TRPM2: variants seen among roughly 807,000 people sequenced by gnomAD.
TRPM2 encodes estrogen-responsive element-associated gene 1 protein.
In TRPM2, 161 loss-of-function variants were observed where a neutral mutation model predicts 174.0. The observed-to-expected ratio is 0.93, with a 90% CI of 0.81 to 1.05. TRPM2 has a LOEUF of 1.05. TRPM2 is among the 50% of genes least tolerant of loss of function. The pLI is 0.00. For synonymous variants in TRPM2, 954 were observed against 861.3 expected (o/e 1.11, Z -1.88); for missense variants, 2,057 against 2,038.0 (o/e 1.01, Z -0.18).
At position 44,432,271 on chromosome 21, in the gene TRPM2, C is replaced by T. The variant is rs999404918; in HGVS notation, c.3975-2860C>T. Among the ~76,000 whole-genome samples, 1 of 152,188 alleles carries T rather than the reference C, an allele frequency of 6.6e-6. No individual in the cohort carries two copies. The highest frequency in any genetic ancestry group is 2.1e-4 in the South Asian group (1 of 4,834). On this transcript the variant is annotated intron_variant, in intron 27 of 31. Coordinates refer to ENST00000397928, the MANE Select transcript of TRPM2 (RefSeq NM_003307.4). The surrounding 1 kb of genome is among the most constrained non-coding windows in gnomAD (Gnocchi z 4.9). The stretch of plus-strand genomic sequence containing the variant: ...CTTGAGGGGAGACCTCTTCCTGCCT[C>T]TCCAGCTCCTGGTGTTCCTGGCAGC...
At chr21:44,433,376 T>C (rs1410208353) in intron 27 of TRPM2, among the ~76,000 whole-genome samples, 1 of 152,224 alleles carries the variant, frequency 6.6e-6, no homozygotes, top group Non-Finnish European at 1.5e-5. Flanking sequence ...CGAGGCAGCC[T>C]TGCTCCCAGC....
chr21:44,395,327 G>A, intron 11 of TRPM2, 87 bp from the exon 12 acceptor site: 1 of 1,507,088 alleles, frequency 6.6e-7, no homozygotes, highest in South Asian at 1.3e-5. Context: ...TCGGGGCTGG[G>A]GTCAGGGCCT....
chr21:44,354,686 GAAGA>G lies in TRPM2; in HGVS notation c.210_213del (p.Lys70AsnfsTer65), dbSNP rs748355932. The G allele has an allele frequency of 3.7e-6, 6 of 1,614,216 alleles. No individual in the cohort carries two copies. The highest frequency in any genetic ancestry group is 5.1e-6 in the Non-Finnish European group (6 of 1,180,040). On this transcript the variant is annotated frameshift_variant, in exon 2 of 32. Transcript: ENST00000397928. LOFTEE classifies it high-confidence loss of function. The surrounding 1 kb of genome is among the most constrained non-coding windows in gnomAD (Gnocchi z 4.3). The stretch of plus-strand genomic sequence containing the variant: ...GTTCGTGGATTCCTGAAAACATCAA[GAAGA>G]AAGAATGCGTGTATTTTGTGGAAAG...
chr21:44,438,189 G>A lies in TRPM2; in HGVS notation c.4168-878G>A, dbSNP rs1236068952. Among the ~76,000 whole-genome samples the A allele has an allele frequency of 3.3e-5, 5 of 152,240 alleles. No homozygotes were observed. In the East Asian group the frequency reaches 9.6e-4, roughly 29 times the overall value. On this transcript the variant is annotated intron_variant, in intron 29 of 31. Coordinates refer to ENST00000397928, the MANE Select transcript of TRPM2 (RefSeq NM_003307.4). This position sits in a 1 kb window ranked among gnomAD's most constrained non-coding sequence, Gnocchi z 5.9. ...TGGAACCACCCCCGCAGCAGAGGGG[G>A]CCTTTGGCCTTGGGGTCCCCTTGCT...
rs141737487 is a variant in TRPM2, at chr21:44,401,823, C to T, written c.2464C>T (p.Gln822Ter). 1.9e-5 allele frequency: 30 copies of T among 1,613,806 alleles called. No homozygotes were observed. The highest frequency in any genetic ancestry group is 1.9e-5 in the Non-Finnish European group (23 of 1,180,030). ...LFAYVLMVDF[Q>*]PVPSWCECAI... is the part of the protein sequence containing the mutation. ...CGCCTACGTGCTCATGGTGGACTTC[C>T]AGCCTGTGCCCTCCTGGTGCGAGTG... The change falls in exon 16 of 32, where the codon CAG becomes TAG. Residue 822 changes from glutamine to a stop codon, truncating the protein, a stop_gained. Transcript: ENST00000397928. LOFTEE classifies it high-confidence loss of function.
rs769039238 is a variant in TRPM2 at position 44,406,750 on chromosome 21, C to T, written c.2947C>T (p.Pro983Ser). The T allele has an allele frequency of 3.7e-6, 6 of 1,605,442 alleles. No homozygotes were observed. The highest frequency in any genetic ancestry group is 3.4e-5 in the Admixed American group (2 of 58,588). The change falls in exon 19 of 32, where the codon CCG (proline) becomes TCG (serine). Residue 983 changes from proline (P) to serine (S), a missense_variant. Coordinates refer to ENST00000397928, the MANE Select transcript of TRPM2 (RefSeq NM_003307.4). ...HSYLTIFGQI[P>S]GYIDGVNFNP... ...CTACCTCACCATCTTCGGGCAGATCCCGGGCTACATCGACGGTAGGAGCCG... is the reference window on the plus strand; with the variant it reads ...CTACCTCACCATCTTCGGGCAGATCTCGGGCTACATCGACGGTAGGAGCCG...
intron 5 of TRPM2, among the ~76,000 whole-genome samples, chr21:44,370,370 C>T (rs763981664): frequency 1.3e-5 from 2 of 152,180 alleles, no homozygotes; most frequent in Admixed American, 6.5e-5. Context: ...AGGTTGAGGA[C>T]GGAGCACTCC....
chr21:44,353,769 G>A lies in TRPM2; in HGVS notation c.69G>A (p.Arg23=), dbSNP rs767064521. ...AGGGCTTTGAGGGGCTGCCCAGAAG[G>A]GTCACTGACCTGGGGATGGTCTCCA... ...QEEGFEGLPR[R]VTDLGMVSNL... is the part of the protein sequence containing the mutation. Residue 23 remains arginine, a synonymous_variant, in exon 1 of 32, where the codon AGG becomes AGA. Transcript: ENST00000397928. 1.2e-6 allele frequency: 2 copies of A among 1,601,576 alleles called. No homozygotes were observed. Among genetic ancestry groups the A allele is most frequent in the African/African-American group, 1.3e-5 (1 of 74,094 alleles).
upstream of TRPM2, among the ~76,000 whole-genome samples, chr21:44,350,935 G>A (rs143120033): frequency 0.042 from 6,365 of 152,220 alleles, 200 homozygotes; most frequent in Middle Eastern, 0.082. Context: ...TACTTCCTCC[G>A]TCCCCGCACC....
chr21:44,423,984 G>A (rs1402836758), intron 23 of TRPM2, among the ~76,000 whole-genome samples: 1 of 152,008 alleles, frequency 6.6e-6, no homozygotes, highest in East Asian at 1.9e-4. Context: ...GCTCCTCGCT[G>A]CTCCCAGGAA....
intron 27 of TRPM2, among the ~76,000 whole-genome samples, chr21:44,429,731 T>C (rs2050960144): frequency 1.3e-5 from 2 of 152,220 alleles, no homozygotes; most frequent in African/African-American, 4.8e-5. Flanking sequence ...GTAAATAATA[T>C]ATATTCTGCA....
At position 44,435,222 on chromosome 21, in the gene TRPM2, G is replaced by A; in HGVS notation, c.4061+5G>A. On this transcript the variant is annotated splice_donor_5th_base_variant and intron_variant, in intron 28 of 31. Transcript: ENST00000397928. ...GCTGTACCCCATGGTCACGCGGTGA[G>A]TTCATGTGTGCCGGGCACCAGCACC... is the stretch of plus-strand genomic sequence containing the variant. 1 of 1,611,638 alleles carries A rather than the reference G, an allele frequency of 6.2e-7. No individual in the cohort carries two copies. Among genetic ancestry groups the A allele is most frequent in the Non-Finnish European group, 8.5e-7 (1 of 1,178,480 alleles).
rs45622331 is a variant in TRPM2, at chr21:44,397,830, G to A, written c.2016G>A (p.Ser672=). Residue 672 remains serine, a synonymous_variant, in exon 13 of 32, where the codon TCG becomes TCA. Transcript: ENST00000397928. ...LSKEEEDTDS[S]EEMLALAEEY... ...AGGAGGAGGAGGACACGGACAGCTC[G>A]GAGGAGATGCTGGCGCTGGCGGAGG... 0.01 allele frequency: 16,677 copies of A among 1,607,972 alleles called. 856 individuals carry two copies. In the African/African-American group the frequency reaches 0.13, roughly 13 times the overall value.
chr21:44,416,852 GCT>G (rs2050303700), intron 20 of TRPM2: 1 of 203,490 alleles, frequency 4.9e-6, no homozygotes, highest in Non-Finnish European at 9.8e-6. Flanking sequence ...GCATGGCTCT[GCT>G]CTCTGTGGCA....
Position 44,441,854 on chromosome 21 carries a change from G to T in TRPM2, c.*37G>T. 3 of 1,554,926 alleles carry T rather than the reference G, an allele frequency of 1.9e-6. No homozygotes were observed. Among genetic ancestry groups the T allele is most frequent in the Non-Finnish European group, 2.6e-6 (3 of 1,147,806 alleles). On this transcript the variant is annotated 3_prime_UTR_variant, in exon 32 of 32. Coordinates refer to ENST00000397928, the MANE Select transcript of TRPM2 (RefSeq NM_003307.4). ...GGCTGGGCGGCTCCAGTCCATAGAC[G>T]TTCCCCCCAGAAACCAGGGCTTCTC...
chr21:44,361,315 G>A (rs2048202208), intron 2 of TRPM2, among the ~76,000 whole-genome samples: 1 of 152,128 alleles, frequency 6.6e-6, no homozygotes, highest in South Asian at 2.1e-4. Flanking sequence ...GCTTCACCAT[G>A]TTGTCCAGGA....
intron 15 of TRPM2, among the ~76,000 whole-genome samples, chr21:44,401,056 G>A (rs2049601170): frequency 6.6e-6 from 1 of 152,200 alleles, no homozygotes; most frequent in African/African-American, 2.4e-5. Context: ...GGGTACTTGA[G>A]TGTTCAGGAA....
chr21:44,397,367 G>A (rs1241778709), intron 12 of TRPM2, among the ~76,000 whole-genome samples: 1 of 152,122 alleles, frequency 6.6e-6, no homozygotes, highest in African/African-American at 2.4e-5. Flanking sequence ...TAAAAGTTCT[G>A]CTAAAAAAAA....
chr21:44,350,954 C>A (rs571218003), upstream of TRPM2, among the ~76,000 whole-genome samples: 1 of 152,210 alleles, frequency 6.6e-6, no homozygotes, highest in Admixed American at 6.5e-5. Context: ...CCCGCCTCTG[C>A]CTGCCCAGTC....
Sources: allele counts gnomAD v4.1 joint callset (sites outside exome capture counted in the v4.1 genomes callset), GRCh38; gene constraint gnomAD v4.1.1; non-coding constraint Gnocchi (gnomAD v3.1); transcripts MANE v1.5; gene names NCBI Gene and HGNC (gene_info 2026-07-23, HGNC 2026-07-21).